FAM178B: variants seen among roughly 807,000 people sequenced by gnomAD.
The protein encoded by FAM178B is family with sequence similarity 178 member B.
Under a neutral mutation model 91.7 loss-of-function variants are expected in FAM178B, and 82 were observed. The observed-to-expected ratio is 0.89, with a 90% CI of 0.75 to 1.07. The LOEUF is 1.07. FAM178B is among the 50% of genes least tolerant of loss of function. The pLI is 0.00. For missense variants in FAM178B, 769 were observed against 846.7 expected, an observed-to-expected ratio of 0.91 and a Z score of 1.14; for synonymous variants, 368 against 359.4, an observed-to-expected ratio of 1.02 and a Z score of -0.27.
rs70964892 is a variant in FAM178B at position 96,978,628 on chromosome 2, CTTTT to C, written c.74-6026_74-6023del. Among the ~76,000 whole-genome samples the C allele has an allele frequency of 2.2e-5, 3 of 134,616 alleles. No homozygotes were observed. In the East Asian group the frequency reaches 6.1e-4, roughly 27 times the overall value. The allele number at this position is 134,616 out of a possible 152,430, so 88.3% of individuals were successfully genotyped here. On this transcript the variant is annotated intron_variant, in intron 1 of 16. Coordinates refer to ENST00000490605, the MANE Select transcript of FAM178B (RefSeq NM_001122646.3). ...GTTGCTACAAGAGATATGATTTCTTCTTTTTTTTTTTTTTTGAGACGGAGTCTCA... is the reference window on the plus strand; with the variant it reads ...GTTGCTACAAGAGATATGATTTCTTCTTTTTTTTTTTGAGACGGAGTCTCA...
chr2:96,905,926 C>T (rs1427482295), intron 12 of FAM178B, among the ~76,000 whole-genome samples: 1 of 122,142 alleles, frequency 8.2e-6, no homozygotes, highest in African/African-American at 3.1e-5. Flanking sequence ...GACTGGCATG[C>T]AATGGTGCGA....
chr2:96,961,312 GGTGTGTGTGT>G lies in FAM178B; in HGVS notation c.735-882_735-873del, dbSNP rs70964889. On this transcript the variant is annotated intron_variant, in intron 5 of 16. Transcript: ENST00000490605. ...TTCTTGGGTGAAAACAGCAGCAGAG[GGTGTGTGTGT>G]GTGTGTGTGTGTGTGTGTACACACA... 2.4e-3 allele frequency among the ~76,000 whole-genome samples: 354 copies of G among 146,842 alleles called. 16 individuals carry two copies. In the East Asian group the frequency reaches 0.059, roughly 25 times the overall value.
At chr2:96,942,237 G>C (rs921881888) in intron 8 of FAM178B, among the ~76,000 whole-genome samples, 4 of 152,184 alleles carry the variant, frequency 2.6e-5, no homozygotes, top group African/African-American at 9.7e-5. Context: ...GACATCCCAT[G>C]TTCATGGATT....
chr2:96,878,186 G>T (rs1209033484), intron 15 of FAM178B, 144 bp from the exon 16 acceptor site: 5 of 960,320 alleles, frequency 5.2e-6, no homozygotes, highest in Non-Finnish European at 7.9e-6. Context: ...GGAGGATGGG[G>T]CCAGCACAAC....
intron 8 of FAM178B, among the ~76,000 whole-genome samples, chr2:96,938,046 A>G (rs1159049803): frequency 6.6e-6 from 1 of 152,042 alleles, no homozygotes; most frequent in Admixed American, 6.5e-5. Context: ...CAACAACAAA[A>G]AAGTGCTCTC....
chr2:96,889,723 C>CATACAA, intron 14 of FAM178B, among the ~76,000 whole-genome samples: 1 of 135,804 alleles, frequency 7.4e-6, no homozygotes, highest in African/African-American at 2.8e-5. Context: ...TAAATAAATA[C>CATACAA]AAAAAAAAAT....
At chr2:96,959,977 C>T (rs924698454) in intron 6 of FAM178B, among the ~76,000 whole-genome samples, 1 of 152,212 alleles carries the variant, frequency 6.6e-6, no homozygotes, top group Non-Finnish European at 1.5e-5. Context: ...GACACAGCCC[C>T]AAGGCACTCA....
chr2:96,940,343 G>C (rs1022778682), intron 8 of FAM178B, among the ~76,000 whole-genome samples: 10 of 152,172 alleles, frequency 6.6e-5, no homozygotes, highest in African/African-American at 2.4e-4. Flanking sequence ...AAGGTCGTGG[G>C]GCCTCCACTC....
At chr2:96,947,788 C>A in intron 8 of FAM178B, 30 bp downstream of exon 8, 1 of 1,355,932 alleles carries the variant, frequency 7.4e-7, no homozygotes, top group Non-Finnish European at 1.0e-6. Context: ...GCTCAGTGCG[C>A]CAATCTCCAC....
At chr2:96,894,320 A>G (rs556976624) in intron 13 of FAM178B, among the ~76,000 whole-genome samples, 9 of 137,624 alleles carry the variant, frequency 6.5e-5, no homozygotes, top group Admixed American at 4.3e-4. Context: ...ACACAGACCC[A>G]CACACACTCT....
chr2:96,979,496 C>T (rs188890915), intron 1 of FAM178B, among the ~76,000 whole-genome samples: 75 of 152,234 alleles, frequency 4.9e-4, no homozygotes, highest in Middle Eastern at 3.4e-3. Flanking sequence ...GCCACTGCAC[C>T]CATCCTATAT....
At chr2:96,883,477 A>G (rs2080439671) in intron 14 of FAM178B, among the ~76,000 whole-genome samples, 1 of 152,152 alleles carries the variant, frequency 6.6e-6, no homozygotes, top group African/African-American at 2.4e-5. Flanking sequence ...CCAAGAATCC[A>G]GTCTTAACCC....
intron 14 of FAM178B, among the ~76,000 whole-genome samples, chr2:96,892,768 C>T (rs951434277): frequency 1.3e-5 from 2 of 152,148 alleles, no homozygotes; most frequent in African/African-American, 4.8e-5. Flanking sequence ...TTCCTTGCTC[C>T]CTGCCCAGGC....
At chr2:96,910,916 C>T (rs1482804292) in intron 12 of FAM178B, among the ~76,000 whole-genome samples, 3 of 151,462 alleles carry the variant, frequency 2.0e-5, no homozygotes, top group African/African-American at 7.3e-5. Flanking sequence ...TACAGGTGCA[C>T]ACCACAATGC....
At chr2:96,909,314 A>G (rs2081111354) in intron 12 of FAM178B, among the ~76,000 whole-genome samples, 1 of 152,152 alleles carries the variant, frequency 6.6e-6, no homozygotes, top group South Asian at 2.1e-4. Flanking sequence ...TTACCGGACT[A>G]ACCAAAGGAA....
At chr2:96,912,817 G>A (rs1264283554) in intron 12 of FAM178B, among the ~76,000 whole-genome samples, 2 of 152,140 alleles carry the variant, frequency 1.3e-5, no homozygotes, top group African/African-American at 4.8e-5. Flanking sequence ...GAAATCTCCA[G>A]GTTGACTGGG....
At chr2:96,888,891 C>A (rs530716512) in intron 14 of FAM178B, among the ~76,000 whole-genome samples, 1 of 152,236 alleles carries the variant, frequency 6.6e-6, no homozygotes, top group African/African-American at 2.4e-5. Flanking sequence ...CACACCCCCC[C>A]TCCCCGCCAA....
At chr2:96,879,214 C>T (rs868417688) in intron 14 of FAM178B, among the ~76,000 whole-genome samples, 1 of 152,194 alleles carries the variant, frequency 6.6e-6, no homozygotes, top group South Asian at 2.1e-4. Flanking sequence ...CAACTGCTGC[C>T]CGCAGGTGCG....
At chr2:96,940,353 C>CTGA (rs1281093088) in intron 8 of FAM178B, among the ~76,000 whole-genome samples, 1 of 152,200 alleles carries the variant, frequency 6.6e-6, no homozygotes, top group Non-Finnish European at 1.5e-5. Context: ...GGCCTCCACT[C>CTGA]CAGGGGCTCT....
Sources: gnomAD v4.1 joint callset for allele counts (sites outside exome capture counted in the v4.1 genomes callset) on GRCh38, gnomAD v4.1.1 for gene constraint, MANE v1.5 for transcripts, NCBI Gene and HGNC (gene_info 2026-07-23, HGNC 2026-07-21) for gene names.